The following CSMD1 variants were observed in gnomAD, a reference collection of about 807,000 sequenced individuals.
CSMD1 encodes CUB and Sushi multiple domains 1.
In CSMD1, 213 loss-of-function variants were observed where a neutral mutation model predicts 417.5. The observed-to-expected ratio is 0.51, with a 90% CI of 0.46 to 0.57. CSMD1 has a LOEUF of 0.57. Ranked by LOEUF, CSMD1 falls within the 20% of genes least tolerant of loss-of-function variation. CSMD1 has a pLI of 0.00. For synonymous variants in CSMD1, 2,862 were observed against 1,736.8 expected (o/e 1.65, Z -16.11); for missense variants, 6,923 against 4,529.7 (o/e 1.53, Z -15.17).
intron 5 of CSMD1, among the ~76,000 whole-genome samples, chr8:3,982,379 T>C (rs963306548): frequency 2.0e-5 from 3 of 151,620 alleles, no homozygotes; most frequent in African/African-American, 2.4e-5. Flanking sequence ...CAAACCTCCA[T>C]GGTTGTTAGG....
intron 3 of CSMD1, among the ~76,000 whole-genome samples, chr8:4,357,883 T>C (rs973241943): frequency 1.3e-5 from 2 of 152,124 alleles, no homozygotes; most frequent in Non-Finnish European, 2.9e-5. Flanking sequence ...GCTAAAATCA[T>C]AGACGTATAA....
At chr8:4,989,379 T>TA (rs1453456420) in intron 1 of CSMD1, among the ~76,000 whole-genome samples, 4 of 152,232 alleles carry the variant, frequency 2.6e-5, no homozygotes, top group Non-Finnish European at 5.9e-5. Context: ...TCCAAGTTCC[T>TA]ACTTTCCTAT....
intron 5 of CSMD1, among the ~76,000 whole-genome samples, chr8:3,784,766 A>G (rs1441229773): frequency 1.3e-5 from 2 of 152,214 alleles, no homozygotes; most frequent in African/African-American, 2.4e-5. Flanking sequence ...ATAAGATACA[A>G]TTAGCAATTC....
At chr8:4,267,809 A>C (rs1804314421) in intron 3 of CSMD1, among the ~76,000 whole-genome samples, 1 of 152,094 alleles carries the variant, frequency 6.6e-6, no homozygotes, top group Non-Finnish European at 1.5e-5. Context: ...GGTACATTGC[A>C]GGTGTGCAAA....
intron 3 of CSMD1, among the ~76,000 whole-genome samples, chr8:4,143,925 C>T (rs769858581): frequency 6.6e-6 from 1 of 151,118 alleles, no homozygotes; most frequent in East Asian, 1.9e-4. Context: ...TGAATTGGCC[C>T]GTGTTGCAGA....
chr8:3,724,513 G>A (rs1219020693), intron 6 of CSMD1, among the ~76,000 whole-genome samples: 3 of 152,002 alleles, frequency 2.0e-5, no homozygotes, highest in Admixed American at 6.6e-5. Context: ...AGCTGTTTGG[G>A]ATTTTCAACC....
chr8:3,296,624 A>G (rs1803990005), intron 25 of CSMD1, among the ~76,000 whole-genome samples: 2 of 152,160 alleles, frequency 1.3e-5, no homozygotes, highest in South Asian at 4.1e-4. Flanking sequence ...AAAGTGGCGT[A>G]TGTGCTGAGA....
chr8:4,046,843 A>G (rs1798172941), intron 3 of CSMD1, among the ~76,000 whole-genome samples: 1 of 152,154 alleles, frequency 6.6e-6, no homozygotes, highest in South Asian at 2.1e-4. Flanking sequence ...TTCATGTATT[A>G]TTTCCCTGAA....
chr8:4,115,217 C>G (rs1195692657), intron 3 of CSMD1, among the ~76,000 whole-genome samples: 1 of 152,166 alleles, frequency 6.6e-6, no homozygotes, highest in Non-Finnish European at 1.5e-5. Flanking sequence ...AAGTCAGCAG[C>G]CACCAACATT....
At chr8:4,625,204 T>C (rs1210812728) in intron 2 of CSMD1, among the ~76,000 whole-genome samples, 2 of 152,080 alleles carry the variant, frequency 1.3e-5, no homozygotes, top group Non-Finnish European at 2.9e-5. Context: ...CAACCTCGTC[T>C]ACACAGCACG....
At position 3,518,000 on chromosome 8, in the gene CSMD1, T is replaced by A. The variant is rs60039540; in HGVS notation, c.1345-24274A>T. On this transcript the variant is annotated intron_variant, in intron 10 of 69. Transcript: ENST00000635120. ...TAAATAATCATATAAATCATGTAGG[T>A]GAACTTAAGAAACAACTCTAGAAAA... is the stretch of plus-strand genomic sequence containing the variant. Among the ~76,000 whole-genome samples, 1,003 of 152,240 alleles carry A rather than the reference T, an allele frequency of 6.6e-3. 13 individuals are homozygous for A. Among genetic ancestry groups the A allele is most frequent in the African/African-American group, 0.024 (978 of 41,536 alleles).
At chr8:4,480,409 C>G (rs1222306221) in intron 2 of CSMD1, among the ~76,000 whole-genome samples, 1 of 152,086 alleles carries the variant, frequency 6.6e-6, no homozygotes, top group African/African-American at 2.4e-5. Context: ...GTTTGTAAAG[C>G]GCGTTAACAT....
chr8:4,540,140 G>C (rs1400059590), intron 2 of CSMD1, among the ~76,000 whole-genome samples: 1 of 152,168 alleles, frequency 6.6e-6, no homozygotes, highest in Non-Finnish European at 1.5e-5. Context: ...AAAGTGGTTG[G>C]CGTGCAATGT....
chr8:4,286,507 G>A (rs1475876681), intron 3 of CSMD1, among the ~76,000 whole-genome samples: 2 of 152,010 alleles, frequency 1.3e-5, no homozygotes, highest in African/African-American at 2.4e-5. Context: ...GCACAGGAAG[G>A]AAGACACTCT....
intron 1 of CSMD1, among the ~76,000 whole-genome samples, chr8:4,765,786 TG>T (rs1321158416): frequency 6.6e-6 from 1 of 152,114 alleles, no homozygotes; most frequent in Non-Finnish European, 1.5e-5. Context: ...AGAGAGAGCC[TG>T]GGGGTTGATG....
At chr8:3,306,682 A>G (rs1392848029) in intron 25 of CSMD1, among the ~76,000 whole-genome samples, 1 of 152,176 alleles carries the variant, frequency 6.6e-6, no homozygotes, top group Non-Finnish European at 1.5e-5. Flanking sequence ...TAATTGAAGG[A>G]AAAATACATT....
intron 1 of CSMD1, among the ~76,000 whole-genome samples, chr8:4,720,689 T>C (rs1808994953): frequency 1.3e-5 from 2 of 152,194 alleles, no homozygotes; most frequent in South Asian, 4.1e-4. Context: ...CCCAAAGAGC[T>C]GGGATTACAG....
intron 5 of CSMD1, among the ~76,000 whole-genome samples, chr8:3,975,359 T>C (rs1192316636): frequency 1.3e-5 from 2 of 152,140 alleles, no homozygotes; most frequent in African/African-American, 4.8e-5. Flanking sequence ...AATATAATAA[T>C]GTTATGTTTC....
intron 7 of CSMD1, among the ~76,000 whole-genome samples, chr8:3,694,823 C>G (rs1800457749): frequency 6.6e-6 from 1 of 151,810 alleles, no homozygotes; most frequent in Non-Finnish European, 1.5e-5. Context: ...GGGAACGCGG[C>G]AAGGAATGAG....
Sources: gnomAD v4.1 joint callset for allele counts (sites outside exome capture counted in the v4.1 genomes callset) on GRCh38, gnomAD v4.1.1 for gene constraint, MANE v1.5 for transcripts, NCBI Gene and HGNC (gene_info 2026-07-23, HGNC 2026-07-21) for gene names.